ARHGAP23: variants seen among roughly 807,000 people sequenced by gnomAD.
The protein encoded by ARHGAP23 is rho GTPase-activating protein 23.
In ARHGAP23, 34 loss-of-function variants were observed where a neutral mutation model predicts 136.3. The ratio of observed to expected loss-of-function variants is 0.25; its 90% CI spans 0.19 to 0.33. The LOEUF is 0.33. ARHGAP23 is among the 10% of genes least tolerant of loss of function. The probability of loss-of-function intolerance (pLI) is 1.00; values close to 1 mark genes in which losing one functional copy is unlikely to be tolerated. For synonymous variants in ARHGAP23, 832 were observed against 920.5 expected (o/e 0.90, Z 1.74); for missense variants, 1,808 against 2,139.0 (o/e 0.85, Z 3.05).
chr17:38,464,932 C>T (rs1044496558), intron 6 of ARHGAP23, among the ~76,000 whole-genome samples: 40 of 152,170 alleles, frequency 2.6e-4, no homozygotes, highest in Non-Finnish European at 4.0e-4. Flanking sequence ...ACCACCGACG[C>T]GGCGAGGCCC....
intron 22 of ARHGAP23, 115 bp downstream of exon 22, chr17:38,498,625 C>G: frequency 1.1e-6 from 1 of 887,774 alleles, no homozygotes; most frequent in Non-Finnish European, 1.7e-6. Flanking sequence ...GGGGCCCTCC[C>G]CTGCCGGCCA....
chr17:38,448,892 C>T (rs1381216087), intron 1 of ARHGAP23, among the ~76,000 whole-genome samples: 1 of 142,018 alleles, frequency 7.0e-6, no homozygotes, highest in Non-Finnish European at 1.5e-5. Flanking sequence ...GGGTCTCACA[C>T]TGCAGCCTTG....
At chr17:38,444,611 C>T (rs2038990710) in intron 1 of ARHGAP23, among the ~76,000 whole-genome samples, 3 of 152,086 alleles carry the variant, frequency 2.0e-5, no homozygotes, top group Admixed American at 6.5e-5. Flanking sequence ...GGACCTGATG[C>T]GTGCCAGGTT....
intron 1 of ARHGAP23, among the ~76,000 whole-genome samples, chr17:38,433,826 ATTGTATTCT>A (rs2038734869): frequency 6.6e-6 from 1 of 151,924 alleles, no homozygotes; most frequent in Non-Finnish European, 1.5e-5. Context: ...AAAATGTGGG[ATTGTATTCT>A]AGGCCCAGGA....
At chr17:38,458,743 C>G (rs1227570064) in intron 2 of ARHGAP23, among the ~76,000 whole-genome samples, 1 of 152,218 alleles carries the variant, frequency 6.6e-6, no homozygotes, top group Non-Finnish European at 1.5e-5. Flanking sequence ...CCCCTGGCCC[C>G]TGCTGGCCAC....
intron 21 of ARHGAP23, among the ~76,000 whole-genome samples, chr17:38,498,051 T>A (rs1422127471): frequency 3.3e-5 from 5 of 149,860 alleles, no homozygotes; most frequent in African/African-American, 1.2e-4. Context: ...GGGGGAGATA[T>A]AGGCCTTGCT....
rs544462067 is a variant in ARHGAP23, at chr17:38,503,971, C to T, written c.3447+3343C>T. 2.6e-4 allele frequency among the ~76,000 whole-genome samples: 40 copies of T among 152,304 alleles called. 2 individuals carry two copies. The South Asian group carries it at 5.4e-3, about 21-fold the overall frequency. ...GAACATCGGTTTCATTTCATTTTTA[C>T]GGAAGACCCTTGAATTTTGTACCAT... On this transcript the variant is annotated intron_variant, in intron 23 of 23. Transcript: ENST00000622683.
chr17:38,492,774 G>A (rs2040305375), intron 20 of ARHGAP23, among the ~76,000 whole-genome samples: 1 of 152,254 alleles, frequency 6.6e-6, no homozygotes, highest in African/African-American at 2.4e-5. Context: ...CCACTCCAGA[G>A]CTGTCTGGGA....
intron 1 of ARHGAP23, among the ~76,000 whole-genome samples, chr17:38,442,928 C>T (rs2038950878): frequency 1.3e-5 from 2 of 152,192 alleles, no homozygotes; most frequent in African/African-American, 4.8e-5. Context: ...ACTCCAGAGA[C>T]ATCTAGGAAG....
rs888425562 is a variant in ARHGAP23 at position 38,469,875 on chromosome 17, C to T, written c.1945C>T (p.Arg649Trp). 5.2e-6 allele frequency: 8 copies of T among 1,551,596 alleles called. No homozygotes were observed. The highest frequency in any genetic ancestry group is 3.6e-5 in the South Asian group (3 of 84,070). ...CCTGCCAAACCGCATACCCAGCCTG[C>T]GGATGCTCCGGAGCTTCTTCACCGA... ...RRLPNRIPSL[R>W]MLRSFFTDGS... The change falls in exon 10 of 24, where the codon CGG becomes TGG. Residue 649 changes from arginine to tryptophan, a missense_variant. Around this residue, in one of 7 missense-constraint regions of ARHGAP23, gnomAD observed 859 missense variants for 936.4 expected, o/e 0.92. Transcript: ENST00000622683.
intron 1 of ARHGAP23, among the ~76,000 whole-genome samples, chr17:38,443,904 G>T (rs927368626): frequency 1.2e-4 from 18 of 152,154 alleles, no homozygotes; most frequent in African/African-American, 4.1e-4. Flanking sequence ...CTCCTGGGGG[G>T]CGGGGGGCAG....
chr17:38,476,328 G>A (rs1423443931), intron 11 of ARHGAP23, among the ~76,000 whole-genome samples: 1 of 152,184 alleles, frequency 6.6e-6, no homozygotes, highest in Non-Finnish European at 1.5e-5. Context: ...ATGTTTTGGA[G>A]GCAGAATAGT....
intron 23 of ARHGAP23, among the ~76,000 whole-genome samples, chr17:38,509,550 A>T (rs943157736): frequency 6.6e-6 from 1 of 152,150 alleles, no homozygotes; most frequent in African/African-American, 2.4e-5. Context: ...ATCAGCATGC[A>T]GGAAGCTCTG....
intron 23 of ARHGAP23, among the ~76,000 whole-genome samples, chr17:38,509,474 G>T (rs2040705787): frequency 6.6e-6 from 1 of 152,174 alleles, no homozygotes; most frequent in Non-Finnish European, 1.5e-5. Context: ...AGGTTTCCAG[G>T]TGGCAGCGGG....
intron 16 of ARHGAP23, among the ~76,000 whole-genome samples, chr17:38,483,766 G>C (rs2040099244): frequency 6.6e-6 from 1 of 152,196 alleles, no homozygotes; most frequent in African/African-American, 2.4e-5. Context: ...GGGTGCTCAG[G>C]CTGGAGCAGG....
At chr17:38,427,766 C>G (rs563491769), upstream of ARHGAP23, among the ~76,000 whole-genome samples, 4 of 152,280 alleles carry the variant, frequency 2.6e-5, no homozygotes, top group African/African-American at 7.2e-5. Flanking sequence ...CTTCTATGCT[C>G]GACTCCCCCT....
chr17:38,462,350 T>C (rs2039481857), intron 3 of ARHGAP23, among the ~76,000 whole-genome samples: 1 of 146,676 alleles, frequency 6.8e-6, no homozygotes, highest in South Asian at 2.2e-4. Context: ...GCCTCCCAGG[T>C]TCAAGTGTTT....
chr17:38,422,901 T>G (rs1315481471), intron 1 of ARHGAP23, among the ~76,000 whole-genome samples: 1 of 152,224 alleles, frequency 6.6e-6, no homozygotes, highest in East Asian at 1.9e-4. Flanking sequence ...GTTCACTCTA[T>G]GGGATGTCTG....
chr17:38,510,623 T>A lies in ARHGAP23; in HGVS notation c.4127T>A (p.Leu1376His), dbSNP rs914615803. The A allele has an allele frequency of 1.5e-6, 2 of 1,343,320 alleles. No individual in the cohort carries two copies. The highest frequency in any genetic ancestry group is 3.2e-5 in the East Asian group (1 of 31,706). 83.2% of individuals were successfully genotyped at this position (1,343,320 alleles called of 1,614,324 possible). ...PSRMEALRLR[L>H]RGTADDMLAV... is the part of the protein sequence containing the mutation. ...CGCATGGAGGCGCTGCGTCTAAGGC[T>A]CCGCGGCACGGCGGACGACATGCTC... Residue 1376 changes from leucine to histidine, a missense_variant, in exon 24 of 24, where the codon CTC becomes CAC. By Grantham distance (99) the Leu-to-His change is moderately conservative (BLOSUM62 -3). Around this residue, in one of 7 missense-constraint regions of ARHGAP23, gnomAD observed 506 missense variants for 455.8 expected, o/e 1.11. Coordinates refer to ENST00000622683, the MANE Select transcript of ARHGAP23 (RefSeq NM_001199417.2). This position sits in a 1 kb window ranked among gnomAD's most constrained non-coding sequence, Gnocchi z 4.6.
Sources: allele counts gnomAD v4.1 joint callset (sites outside exome capture counted in the v4.1 genomes callset), GRCh38; gene constraint gnomAD v4.1.1; regional missense constraint gnomAD v4.1.1; non-coding constraint Gnocchi (gnomAD v3.1); transcripts MANE v1.5; gene names NCBI Gene and HGNC (gene_info 2026-07-23, HGNC 2026-07-21).